The following ENTHD1 variants were observed in gnomAD, a reference collection of about 807,000 sequenced individuals.
The protein encoded by ENTHD1 is ENTH domain-containing protein 1.
In ENTHD1, 23 loss-of-function variants were observed where a neutral mutation model predicts 39.1. That is an observed-to-expected ratio of 0.59 (90% CI 0.42 to 0.83). ENTHD1 has a LOEUF of 0.83. Among genes scored for constraint, ENTHD1 ranks in the 40% least tolerant of loss-of-function variants. ENTHD1 has a pLI of 0.00. For missense variants in ENTHD1, 624 were observed against 705.4 expected, an observed-to-expected ratio of 0.88 and a Z score of 1.31; for synonymous variants, 230 against 258.2, an observed-to-expected ratio of 0.89 and a Z score of 1.05.
intron 5 of ENTHD1, among the ~76,000 whole-genome samples, chr22:39,792,500 A>G (rs1028250160): frequency 6.6e-6 from 1 of 151,718 alleles, no homozygotes; most frequent in African/African-American, 2.4e-5. Flanking sequence ...GTTTTTAATT[A>G]TCTTAAGCCT....
intron 2 of ENTHD1, among the ~76,000 whole-genome samples, chr22:39,871,087 T>C (rs1342699142): frequency 6.6e-6 from 1 of 151,646 alleles, no homozygotes; most frequent in Non-Finnish European, 1.5e-5. Flanking sequence ...AGGAGACAAC[T>C]TGAGCCCAGG....
At position 39,863,019 on chromosome 22, in the gene ENTHD1, A is replaced by G. The variant is rs1041020466; in HGVS notation, c.350-1012T>C. Among the ~76,000 whole-genome samples, 6 of 152,310 alleles carry G rather than the reference A, an allele frequency of 3.9e-5. No individual in the cohort carries two copies. The East Asian group carries it at 1.2e-3, about 29-fold the overall frequency. ...ATTCCTCCCTTCCAGAGGATGCAGCATCAAGGCGCCATCTTGGAAGCAGAC... is the reference window on the plus strand; with the variant it reads ...ATTCCTCCCTTCCAGAGGATGCAGCGTCAAGGCGCCATCTTGGAAGCAGAC... On this transcript the variant is annotated intron_variant, in intron 2 of 6. Transcript: ENST00000325157.
chr22:39,789,685 C>T (rs1393547932), intron 5 of ENTHD1, among the ~76,000 whole-genome samples: 1 of 152,174 alleles, frequency 6.6e-6, no homozygotes, highest in Non-Finnish European at 1.5e-5. Flanking sequence ...AAGACAAAGT[C>T]TTTGCCCTCT....
At chr22:39,864,829 T>C (rs908959788) in intron 2 of ENTHD1, among the ~76,000 whole-genome samples, 2 of 152,054 alleles carry the variant, frequency 1.3e-5, no homozygotes, top group Admixed American at 6.5e-5. Context: ...GAGGCAGAGG[T>C]TGCAGTGAGC....
At chr22:39,880,885 G>A (rs1457162616) in intron 2 of ENTHD1, among the ~76,000 whole-genome samples, 1 of 152,198 alleles carries the variant, frequency 6.6e-6, no homozygotes, top group Non-Finnish European at 1.5e-5. Flanking sequence ...ATATACTGTA[G>A]TTGTTGAGAA....
At chr22:39,749,115 T>C (rs1426671872) in intron 6 of ENTHD1, among the ~76,000 whole-genome samples, 1 of 152,242 alleles carries the variant, frequency 6.6e-6, no homozygotes, top group African/African-American at 2.4e-5. Context: ...CCACTTCATC[T>C]ATAATTGCCG....
chr22:39,779,348 A>C (rs539684679), intron 5 of ENTHD1, among the ~76,000 whole-genome samples: 1 of 152,258 alleles, frequency 6.6e-6, no homozygotes, highest in African/African-American at 2.4e-5. Context: ...CTCAAAAATA[A>C]ACCAAAACCA....
intron 6 of ENTHD1, among the ~76,000 whole-genome samples, chr22:39,755,442 G>T (rs2065177925): frequency 6.6e-6 from 1 of 152,146 alleles, no homozygotes; most frequent in Non-Finnish European, 1.5e-5. Context: ...CAGAAGCTAG[G>T]CTTCCCAGGG....
chr22:39,848,073 C>T (rs2066005103), intron 3 of ENTHD1, among the ~76,000 whole-genome samples: 1 of 152,128 alleles, frequency 6.6e-6, no homozygotes, highest in East Asian at 1.9e-4. Flanking sequence ...ACTAAAGTCC[C>T]CATTTCCTTG....
In ENTHD1 at chr22:39,804,836, GA is replaced by G. The variant is rs1213986970; in HGVS notation, c.832+16156del. 2.6e-5 allele frequency among the ~76,000 whole-genome samples: 4 copies of G among 152,170 alleles called. No homozygotes were observed. In the East Asian group the frequency reaches 7.7e-4, roughly 29 times the overall value. On this transcript the variant is annotated intron_variant, in intron 5 of 6. Coordinates refer to ENST00000325157, the MANE Select transcript of ENTHD1 (RefSeq NM_152512.4). Reference sequence around the variant, plus strand: ...GAAAGACTTAAACAAACAAAAACTAGACTCGTATGTAACAGATAAAGATTTG... The same window carrying G: ...GAAAGACTTAAACAAACAAAAACTAGCTCGTATGTAACAGATAAAGATTTG...
chr22:39,748,015 G>A (rs1012108932), intron 6 of ENTHD1, among the ~76,000 whole-genome samples: 10 of 152,142 alleles, frequency 6.6e-5, no homozygotes, highest in African/African-American at 2.4e-4. Flanking sequence ...TTGGGAGGTC[G>A]AGGTGGGAGG....
chr22:39,770,040 G>C (rs1171967343), intron 5 of ENTHD1, among the ~76,000 whole-genome samples: 3 of 152,154 alleles, frequency 2.0e-5, no homozygotes, highest in African/African-American at 7.2e-5. Context: ...ATCTTGTTAG[G>C]TAGACAAAGA....
intron 5 of ENTHD1, among the ~76,000 whole-genome samples, chr22:39,774,782 T>C (rs534609407): frequency 6.6e-6 from 1 of 152,362 alleles, no homozygotes; most frequent in South Asian, 2.1e-4. Context: ...CTTCAAATTC[T>C]ATGCTCCCTC....
At chr22:39,805,608 C>T (rs747087752) in intron 5 of ENTHD1, among the ~76,000 whole-genome samples, 4 of 152,144 alleles carry the variant, frequency 2.6e-5, no homozygotes, top group South Asian at 2.1e-4. Context: ...AGATGCCCAA[C>T]AACCCACGGA....
chr22:39,745,099 CA>C lies in ENTHD1; in HGVS notation c.1220-817del, dbSNP rs371503589. Among the ~76,000 whole-genome samples the C allele has an allele frequency of 6.0e-4, 91 of 152,262 alleles. 1 individual carries two copies. The highest frequency in any genetic ancestry group is 1.9e-3 in the African/African-American group (78 of 41,552). On this transcript the variant is annotated intron_variant, in intron 6 of 6. Coordinates refer to ENST00000325157, the MANE Select transcript of ENTHD1 (RefSeq NM_152512.4). Reference sequence around the variant, plus strand: ...CTGGGCAGTTGCATACTGTGCCTCCCAAAAGGAGATTAACAGTGTCCATCAG... The same window carrying C: ...CTGGGCAGTTGCATACTGTGCCTCCCAAAGGAGATTAACAGTGTCCATCAG...
In ENTHD1 at chr22:39,743,546, T is replaced by A. The variant is rs565138921; in HGVS notation, c.*133A>T. Reference sequence around the variant, plus strand: ...TGAAAGTATTAGTTTGAAAGATACTTGCTAATAAACCTGACAAGGAAAAAT... The same window carrying A: ...TGAAAGTATTAGTTTGAAAGATACTAGCTAATAAACCTGACAAGGAAAAAT... On this transcript the variant is annotated 3_prime_UTR_variant, in exon 7 of 7. Transcript: ENST00000325157. 16 of 1,056,660 alleles carry A rather than the reference T, an allele frequency of 1.5e-5. No homozygotes were observed. The Admixed American group carries it at 4.7e-4, about 31-fold the overall frequency. The allele number at this position is 1,056,660 out of a possible 1,614,324, so 65.5% of individuals were successfully genotyped here.
At chr22:39,805,353 CT>C (rs2065632020) in intron 5 of ENTHD1, among the ~76,000 whole-genome samples, 1 of 152,268 alleles carries the variant, frequency 6.6e-6, no homozygotes, top group Non-Finnish European at 1.5e-5. Context: ...GCATCAGTCA[CT>C]CAAAGTCCCT....
Position 39,835,904 on chromosome 22 carries a change from G to A in ENTHD1, c.647C>T (p.Pro216Leu). 10 of 1,610,022 alleles carry A rather than the reference G, an allele frequency of 6.2e-6. No individual in the cohort carries two copies. Among genetic ancestry groups the A allele is most frequent in the Non-Finnish European group, 8.5e-6 (10 of 1,177,890 alleles). Residue 216 changes from proline to leucine, a missense_variant, in exon 4 of 7, where the codon CCT (proline) becomes CTT (leucine). Coordinates refer to ENST00000325157, the MANE Select transcript of ENTHD1 (RefSeq NM_152512.4). ...KQEHCQDVHL[P>L]TETMLSQETL... ...TTCCTGGGACAACATAGTTTCTGTA[G>A]GCAAATGAACATCTTGGCAATGCTC...
At position 39,867,093 on chromosome 22, in the gene ENTHD1, C is replaced by T. The variant is rs1352189520; in HGVS notation, c.350-5086G>A. On this transcript the variant is annotated intron_variant, in intron 2 of 6. Coordinates refer to ENST00000325157, the MANE Select transcript of ENTHD1 (RefSeq NM_152512.4). This position sits in a 1 kb window ranked among gnomAD's most constrained non-coding sequence, Gnocchi z 4.5. ...AATTTTTTTGCATTTTTAGTAGAGA[C>T]GGGGTTTCACCGTGTTAGCCAGGAT... Among the ~76,000 whole-genome samples the T allele has an allele frequency of 3.3e-5, 5 of 152,112 alleles. No individual in the cohort carries two copies. Among genetic ancestry groups the T allele is most frequent in the South Asian group, 2.1e-4 (1 of 4,808 alleles).
Sources: gnomAD v4.1 joint callset for allele counts (sites outside exome capture counted in the v4.1 genomes callset) on GRCh38, gnomAD v4.1.1 for gene constraint, Gnocchi (gnomAD v3.1) non-coding constraint, MANE v1.5 for transcripts, NCBI Gene and HGNC (gene_info 2026-07-23, HGNC 2026-07-21) for gene names.